The following TEX9 variants were observed in gnomAD, a reference collection of about 807,000 sequenced individuals.
The protein encoded by TEX9 is testis expressed 9, also known as testis-expressed protein 9.
In TEX9, 74 loss-of-function variants were observed where a neutral mutation model predicts 59.6. The ratio of observed to expected loss-of-function variants is 1.24; its 90% CI spans 1.03 to 1.51. The LOEUF (loss-of-function observed/expected upper bound fraction) is 1.51, where lower values mean the gene tolerates loss of function less well. TEX9 is among the 40% of genes most tolerant of loss of function. The pLI is 0.00. For synonymous variants in TEX9, 186 were observed against 152.2 expected, an observed-to-expected ratio of 1.22 and a Z score of -1.64; for missense variants, 522 against 447.8, an observed-to-expected ratio of 1.17 and a Z score of -1.49.
At chr15:56,450,283 A>G (rs1038637796), downstream of TEX9, among the ~76,000 whole-genome samples, 1 of 152,062 alleles carries the variant, frequency 6.6e-6, no homozygotes, top group Non-Finnish European at 1.5e-5. Context: ...AAAATTTGCC[A>G]TCCTAACCAT....
chr15:56,288,005 C>A (rs1394266438), intron 1 of TEX9, among the ~76,000 whole-genome samples: 5 of 152,238 alleles, frequency 3.3e-5, no homozygotes, highest in African/African-American at 4.8e-5. Flanking sequence ...ATCTCTTTGA[C>A]ATACTGATTT....
intron 12 of TEX9, chr15:56,428,726 TA>T: frequency 2.8e-6 from 1 of 355,262 alleles, no homozygotes; most frequent in South Asian, 6.9e-5. Context: ...AAAGATGCTT[TA>T]AAAGAAAATT....
intron 1 of TEX9, among the ~76,000 whole-genome samples, chr15:56,343,710 G>T (rs1262391271): frequency 6.6e-6 from 1 of 152,020 alleles, no homozygotes; most frequent in Non-Finnish European, 1.5e-5. Flanking sequence ...CAGAGTCAGA[G>T]AAAATTATTT....
chr15:56,456,694 T>C, the TEX9 span, among the ~76,000 whole-genome samples: 1 of 152,190 alleles, frequency 6.6e-6, no homozygotes, highest in Non-Finnish European at 1.5e-5. Flanking sequence ...TATTTTATCA[T>C]GGAAAATTTC....
chr15:56,360,158 A>G (rs1175578273), intron 1 of TEX9, among the ~76,000 whole-genome samples: 3 of 152,172 alleles, frequency 2.0e-5, no homozygotes, highest in Non-Finnish European at 4.4e-5. Context: ...GGGTTTAAAA[A>G]TCTATATTCA....
chr15:56,333,522 C>G (rs2046199882), intron 1 of TEX9, among the ~76,000 whole-genome samples: 4 of 145,576 alleles, frequency 2.7e-5, no homozygotes, highest in Non-Finnish European at 6.0e-5. Context: ...AGGAAAATAC[C>G]TCAACACAAT....
chr15:56,455,412 G>C, the TEX9 span, among the ~76,000 whole-genome samples: 3 of 152,046 alleles, frequency 2.0e-5, no homozygotes, highest in African/African-American at 7.2e-5. Flanking sequence ...GAGTTGTGGA[G>C]CCAGAAAAAT....
rs530238191 is a variant in TEX9, at chr15:56,420,018, C to G, written c.963+7582C>G. Among the ~76,000 whole-genome samples the G allele has an allele frequency of 2.6e-5, 4 of 151,732 alleles. No individual in the cohort carries two copies. In the South Asian group the frequency reaches 8.3e-4, roughly 32 times the overall value. On this transcript the variant is annotated intron_variant, in intron 10 of 12. Transcript: ENST00000352903. ...TGGGTGCTTACATCTGTCAAGGAAT[C>G]TGTTCATTTCGTTTATGTTGTCAAA... is the stretch of plus-strand genomic sequence containing the variant.
At chr15:56,294,189 T>C (rs1337313003) in intron 1 of TEX9, among the ~76,000 whole-genome samples, 3 of 152,194 alleles carry the variant, frequency 2.0e-5, no homozygotes, top group Non-Finnish European at 1.5e-5. Context: ...GCTAGAGGGA[T>C]GGACTGTCAA....
intron 1 of TEX9, among the ~76,000 whole-genome samples, chr15:56,319,819 A>C (rs2045863053): frequency 6.6e-6 from 1 of 151,960 alleles, no homozygotes; most frequent in Non-Finnish European, 1.5e-5. Context: ...AGATGGGGGG[A>C]AGTTGGAAAA....
chr15:56,390,344 G>C (rs1234091222), intron 6 of TEX9, among the ~76,000 whole-genome samples: 1 of 151,976 alleles, frequency 6.6e-6, no homozygotes, highest in South Asian at 2.1e-4. Flanking sequence ...AAAATAAAGA[G>C]TGTAATTAGA....
At chr15:56,434,602 C>G (rs948065073) in intron 12 of TEX9, among the ~76,000 whole-genome samples, 6 of 152,060 alleles carry the variant, frequency 3.9e-5, no homozygotes, top group African/African-American at 1.2e-4. Flanking sequence ...TTCTGTTACT[C>G]ATGAACAAAT....
intron 1 of TEX9, among the ~76,000 whole-genome samples, chr15:56,297,828 G>C (rs1272348025): frequency 2.6e-5 from 4 of 152,192 alleles, no homozygotes; most frequent in Admixed American, 2.6e-4. Flanking sequence ...TAAATTAAAA[G>C]ACAGCATTTG....
At chr15:56,400,168 A>G (rs576741527) in intron 9 of TEX9, among the ~76,000 whole-genome samples, 1 of 152,354 alleles carries the variant, frequency 6.6e-6, no homozygotes, top group African/African-American at 2.4e-5. Context: ...TCAGAAAGTC[A>G]GTAATAAACT....
intron 1 of TEX9, among the ~76,000 whole-genome samples, chr15:56,296,307 T>A (rs781736788): frequency 2.6e-5 from 4 of 152,232 alleles, no homozygotes; most frequent in Admixed American, 6.5e-5. Flanking sequence ...TCTAGTTTGT[T>A]ACTGAATTTC....
rs1443162056 is a variant in TEX9 at position 56,445,656 on chromosome 15, G to C, written c.*30-15G>C. The C allele has an allele frequency of 2.0e-5, 3 of 151,212 alleles. No individual in the cohort carries two copies. The East Asian group carries it at 5.8e-4, about 29-fold the overall frequency. 9.4% of individuals were successfully genotyped at this position (151,212 alleles called of 1,614,324 possible). A position where few individuals can be genotyped will look rare whatever the true frequency, so the allele number is the denominator to read the frequency against. ...TTACCACACACTTACCGAAAACAAT[G>C]TTCTCATTTTACAGATAAGAAAACT... On this transcript the variant is annotated splice_polypyrimidine_tract_variant and intron_variant, in intron 12 of 12. Transcript: ENST00000352903.
chr15:56,279,698 G>A (rs8032600), intron 1 of TEX9, among the ~76,000 whole-genome samples: 55,859 of 151,938 alleles, frequency 0.37, 10,570 homozygotes, highest in Middle Eastern at 0.52. Flanking sequence ...GGAAAGGGCC[G>A]TTGCACAATA....
At chr15:56,324,051 A>G (rs760979609) in intron 1 of TEX9, among the ~76,000 whole-genome samples, 1 of 152,184 alleles carries the variant, frequency 6.6e-6, no homozygotes, top group East Asian at 1.9e-4. Flanking sequence ...AAACTGGCAT[A>G]GAAATCGAAA....
rs1004979941 is a variant in TEX9, at chr15:56,417,753, A to G, written c.963+5317A>G. Among the ~76,000 whole-genome samples the G allele has an allele frequency of 2.6e-5, 4 of 151,752 alleles. No homozygotes were observed. The East Asian group carries it at 7.7e-4, about 29-fold the overall frequency. On this transcript the variant is annotated intron_variant, in intron 10 of 12. Coordinates refer to ENST00000352903, the Ensembl canonical transcript of TEX9. ...TTCCAGATATCTTTGTTAATTTTCTACCTCGATGATCTGTCTAATACTATG... is the reference window on the plus strand; with the variant it reads ...TTCCAGATATCTTTGTTAATTTTCTGCCTCGATGATCTGTCTAATACTATG...
Sources: gnomAD v4.1 joint callset for allele counts (sites outside exome capture counted in the v4.1 genomes callset) on GRCh38, gnomAD v4.1.1 for gene constraint, MANE v1.5 for transcripts, NCBI Gene and HGNC (gene_info 2026-07-23, HGNC 2026-07-21) for gene names.